ARMC3: variants seen among roughly 807,000 people sequenced by gnomAD.
The protein encoded by ARMC3 is armadillo repeat-containing protein 3.
Under a neutral mutation model 90.3 loss-of-function variants are expected in ARMC3, and 74 were observed. The ratio of observed to expected loss-of-function variants is 0.82; its 90% CI spans 0.68 to 0.99. The LOEUF is 0.99. Among genes scored for constraint, ARMC3 ranks in the 50% least tolerant of loss-of-function variants. The probability of loss-of-function intolerance (pLI) is 0.00; values close to 1 mark genes in which losing one functional copy is unlikely to be tolerated. For missense variants in ARMC3, 958 were observed against 1,042.8 expected (o/e 0.92, Z 1.12); for synonymous variants, 334 against 361.8 (o/e 0.92, Z 0.87).
intron 6 of ARMC3, 32 bp from the exon 7 acceptor site, chr10:22,961,849 TAAA>T: frequency 6.6e-7 from 1 of 1,522,178 alleles, no homozygotes; most frequent in South Asian, 1.3e-5. Flanking sequence ...GTATTTTGCT[TAAA>T]AAAATTATTG....
chr10:22,971,532 C>T (rs1306480384), intron 8 of ARMC3, among the ~76,000 whole-genome samples: 1 of 151,482 alleles, frequency 6.6e-6, no homozygotes, highest in Non-Finnish European at 1.5e-5. Context: ...CCTCCACCTC[C>T]TGGCTTCCAG....
chr10:23,026,793 G>C (rs983166642), intron 16 of ARMC3, among the ~76,000 whole-genome samples: 2 of 152,102 alleles, frequency 1.3e-5, no homozygotes, highest in South Asian at 2.1e-4. Flanking sequence ...GCCTCTACTA[G>C]CACAGTTAAG....
intron 6 of ARMC3, chr10:22,961,644 A>AT (rs1835196847): frequency 2.5e-6 from 1 of 402,632 alleles, no homozygotes; most frequent in Non-Finnish European, 4.4e-6. Flanking sequence ...TAAACAATAG[A>AT]TAAAAGTCAT....
rs886865122 is a variant in ARMC3, at chr10:23,008,287, C to T, written c.1841C>T (p.Ser614Leu). ...INSKSYVSPPSSMEDKSDVGY... is the reference protein window; with the variant it reads ...INSKSYVSPPLSMEDKSDVGY... ...GTGTAAAATTTTAGTTCTCCACCTT[C>T]ATCTATGGAAGATAAATCAGATGTT... The change falls in exon 15 of 19, where the codon TCA becomes TTA. Residue 614 changes from serine to leucine, a missense_variant. By Grantham distance (145) the Ser-to-Leu change is moderately radical. Transcript: ENST00000298032. The T allele has an allele frequency of 5.9e-6, 9 of 1,520,926 alleles. No homozygotes were observed. The Middle Eastern group carries it at 5.4e-4, about 91-fold the overall frequency. The allele number at this position is 1,520,926 out of a possible 1,614,324, so 94.2% of individuals were successfully genotyped here.
intron 11 of ARMC3, among the ~76,000 whole-genome samples, chr10:23,000,359 A>T (rs1435883477): frequency 1.3e-5 from 2 of 152,000 alleles, no homozygotes; most frequent in Non-Finnish European, 2.9e-5. Flanking sequence ...CCTGTCCCCC[A>T]GAAGGCCTTT....
At chr10:22,948,301 C>T (rs556361655) in intron 3 of ARMC3, among the ~76,000 whole-genome samples, 5 of 152,102 alleles carry the variant, frequency 3.3e-5, no homozygotes, top group Admixed American at 6.5e-5. Context: ...TTCAGTCTTA[C>T]GGAGTCATTA....
In ARMC3 at chr10:22,971,441, G is replaced by GTT. The variant is rs766355258; in HGVS notation, c.916+2970_916+2971dup. Among the ~76,000 whole-genome samples, 105 of 128,516 alleles carry GTT rather than the reference G, an allele frequency of 8.2e-4. No individual in the cohort carries two copies. In the East Asian group the frequency reaches 9.4e-3, roughly 12 times the overall value. The allele number at this position is 128,516 out of a possible 152,430, so 84.3% of individuals were successfully genotyped here. The stretch of plus-strand genomic sequence containing the variant: ...GAATCATATGGTAATTATATTTTTA[G>GTT]TTTTTTTTTTTTTTTTTTTGAGACA... On this transcript the variant is annotated intron_variant, in intron 8 of 18. Transcript: ENST00000298032.
intron 16 of ARMC3, among the ~76,000 whole-genome samples, chr10:23,010,295 C>A (rs1009691362): frequency 2.7e-5 from 4 of 145,480 alleles, no homozygotes; most frequent in African/African-American, 1.0e-4. Context: ...TTTCCCCTTC[C>A]CTTCCCTTCT....
intron 10 of ARMC3, among the ~76,000 whole-genome samples, chr10:22,982,055 C>T (rs1383445157): frequency 6.6e-6 from 1 of 152,076 alleles, no homozygotes; most frequent in Non-Finnish European, 1.5e-5. Flanking sequence ...CTTAAAGATC[C>T]ATCTTAAAAG....
In ARMC3 at chr10:23,006,974, T is replaced by C. The variant is rs11013233; in HGVS notation, c.1822T>C (p.Ser608Pro). ...LRAVLLINSK[S>P]YVSPPSSMED... ...GGCTGTACTCTTAATCAACAGTAAATCTTACGTGTGAGTCTCTGCAGGGAG... is the reference window on the plus strand; with the variant it reads ...GGCTGTACTCTTAATCAACAGTAAACCTTACGTGTGAGTCTCTGCAGGGAG... Residue 608 changes from serine to proline, a missense_variant, in exon 14 of 19, where the codon TCT becomes CCT. By Grantham distance (74) the Ser-to-Pro change is moderately conservative. Coordinates refer to ENST00000298032, the MANE Select transcript of ARMC3 (RefSeq NM_173081.5). The C allele has an allele frequency of 0.04, 63,776 of 1,605,986 alleles. 1,516 individuals are homozygous for C. The highest frequency in any genetic ancestry group is 0.058 in the South Asian group (5,185 of 89,914).
At chr10:22,938,526 C>A (rs1834200538) in intron 2 of ARMC3, among the ~76,000 whole-genome samples, 1 of 152,076 alleles carries the variant, frequency 6.6e-6, no homozygotes, top group Non-Finnish European at 1.5e-5. Context: ...CACAGTAGTG[C>A]AGTTAAGATA....
At chr10:22,928,345 G>A (rs1428835225) in intron 1 of ARMC3, among the ~76,000 whole-genome samples, 4 of 152,222 alleles carry the variant, frequency 2.6e-5, no homozygotes, top group Non-Finnish European at 5.9e-5. Flanking sequence ...GGGATCTGAG[G>A]TGAGATCAAG....
chr10:23,015,328 G>A (rs1838227122), intron 16 of ARMC3, among the ~76,000 whole-genome samples: 1 of 152,116 alleles, frequency 6.6e-6, no homozygotes, highest in Non-Finnish European at 1.5e-5. Context: ...TTCGTTCCCT[G>A]GTTATCCACT....
chr10:22,946,453 T>G (rs1834529327), intron 3 of ARMC3, 192 bp downstream of exon 3: 1 of 412,768 alleles, frequency 2.4e-6, no homozygotes, highest in Non-Finnish European at 4.3e-6. Context: ...TCTTAAGGAG[T>G]AATTTAGTCA....
At chr10:22,959,920 C>T (rs1835120890) in intron 6 of ARMC3, 2 of 456,246 alleles carry the variant, frequency 4.4e-6, no homozygotes, top group South Asian at 3.2e-5. Context: ...GGTCTAAGCA[C>T]ATTGGATGTA....
At chr10:22,963,904 CACACACACACACACACACAAAAAAAAA>C (rs1355162584) in intron 7 of ARMC3, among the ~76,000 whole-genome samples, 2 of 21,036 alleles carry the variant, frequency 9.5e-5, no homozygotes, top group African/African-American at 4.0e-4. Context: ...CACACACACA[CACACACACACACACACACAAAAAAAAA>C]AAAAAAAAAA....
intron 13 of ARMC3, 33 bp downstream of exon 13, chr10:23,003,447 G>A (rs925765868): frequency 2.0e-6 from 3 of 1,479,026 alleles, no homozygotes; most frequent in Middle Eastern, 2.0e-4. Context: ...AGTTTAGTAT[G>A]TACAATAATA....
Position 23,030,693 on chromosome 10 carries a change from T to A in ARMC3, c.2143T>A (p.Trp715Arg). 6.2e-7 allele frequency: 1 copy of A among 1,613,920 alleles called. No homozygotes were observed. Among genetic ancestry groups the A allele is most frequent in the Non-Finnish European group, 8.5e-7 (1 of 1,179,870 alleles). Residue 715 changes from tryptophan (W) to arginine (R), a missense_variant, in exon 17 of 19, where the codon TGG (tryptophan) becomes AGG (arginine). Transcript: ENST00000298032. ...TGGTGAAGGAAGCTCTGACAAAGAA[T>A]GGTGTCCTCCCTCTGACCCTGATTT... is the stretch of plus-strand genomic sequence containing the variant. Reference protein sequence around the residue: ...FVGEGSSDKEWCPPSDPDFSM... With the variant: ...FVGEGSSDKERCPPSDPDFSM...
At position 22,968,322 on chromosome 10, in the gene ARMC3, A is replaced by T. The variant is rs1025346944; in HGVS notation, c.749A>T (p.His250Leu). The T allele has an allele frequency of 1.9e-6, 3 of 1,613,872 alleles. No homozygotes were observed. The highest frequency in any genetic ancestry group is 2.2e-5 in the East Asian group (1 of 44,866). Residue 250 changes from histidine (H) to leucine (L), a missense_variant, in exon 8 of 19, where the codon CAT (histidine) becomes CTT (leucine). By Grantham distance (99) the His-to-Leu change is moderately conservative. Coordinates refer to ENST00000298032, the MANE Select transcript of ARMC3 (RefSeq NM_173081.5). The part of the protein sequence containing the change: ...ILETKELNDL[H>L]IEALAVIANC... ...TATTATTAGGAATTGAATGACCTTCATATAGAAGCACTTGCAGTGATAGCC... is the reference window on the plus strand; with the variant it reads ...TATTATTAGGAATTGAATGACCTTCTTATAGAAGCACTTGCAGTGATAGCC...
Sources: gnomAD v4.1 joint callset for allele counts (sites outside exome capture counted in the v4.1 genomes callset) on GRCh38, gnomAD v4.1.1 for gene constraint, MANE v1.5 for transcripts, NCBI Gene and HGNC (gene_info 2026-07-23, HGNC 2026-07-21) for gene names.